Variants in MBD5 observed in about 807,000 individuals in gnomAD.
The protein encoded by MBD5 is methyl-CpG binding domain protein 5.
In MBD5, 13 loss-of-function variants were observed where a neutral mutation model predicts 117.3. The observed-to-expected ratio is 0.11, with a 90% CI of 0.07 to 0.18. MBD5 has a LOEUF of 0.18. Ranked by LOEUF, MBD5 falls within the 10% of genes least tolerant of loss-of-function variation. MBD5 has a pLI of 1.00. For missense variants in MBD5, 1,879 were observed against 2,093.8 expected, an observed-to-expected ratio of 0.90 and a Z score of 2.00; for synonymous variants, 727 against 766.4, an observed-to-expected ratio of 0.95 and a Z score of 0.85.
intron 4 of MBD5, among the ~76,000 whole-genome samples, chr2:148,419,413 T>G (rs1046801322): frequency 1.3e-5 from 2 of 152,206 alleles, no homozygotes; most frequent in African/African-American, 4.8e-5. Context: ...TATTTTACTT[T>G]GGTTTAGTTT....
intron 1 of MBD5, among the ~76,000 whole-genome samples, chr2:148,132,335 T>TATATATATATACACATTTATATATATAC (rs1553475573): frequency 3.6e-4 from 2 of 5,572 alleles, no homozygotes; most frequent in Admixed American, 2.0e-3. Context: ...TATATACATA[T>TATATATATATACACATTTATATATATAC]ATATATATAT....
At chr2:148,457,369 A>G (rs1340547568) in intron 4 of MBD5, among the ~76,000 whole-genome samples, 2 of 152,138 alleles carry the variant, frequency 1.3e-5, no homozygotes, top group African/African-American at 2.4e-5. Context: ...AATTGGTCAT[A>G]AAAAGGCTTC....
intron 4 of MBD5, among the ~76,000 whole-genome samples, chr2:148,390,363 T>TGCC: frequency 6.6e-6 from 1 of 151,960 alleles, no homozygotes; most frequent in South Asian, 2.1e-4. Context: ...AAAGGCCGTA[T>TGCC]TTCTATATGC....
intron 1 of MBD5, among the ~76,000 whole-genome samples, chr2:148,081,216 C>G (rs902644992): frequency 3.3e-5 from 5 of 152,160 alleles, no homozygotes; most frequent in Admixed American, 2.6e-4. Flanking sequence ...CTCCTCCAAA[C>G]TTCTTCATTC....
chr2:148,327,010 G>T (rs1350833453), intron 3 of MBD5, among the ~76,000 whole-genome samples: 1 of 151,434 alleles, frequency 6.6e-6, no homozygotes, highest in Non-Finnish European at 1.5e-5. Context: ...CTTCCTTCAG[G>T]AGCTCTTTTA....
At chr2:148,244,507 G>A (rs1700291956) in intron 3 of MBD5, 1 of 152,110 alleles carries the variant, frequency 6.6e-6, no homozygotes. Flanking sequence ...AATATGTCAT[G>A]AGCTATAAAA....
At chr2:148,280,825 C>T (rs1309187657) in intron 3 of MBD5, among the ~76,000 whole-genome samples, 6 of 152,016 alleles carry the variant, frequency 3.9e-5, no homozygotes, top group Non-Finnish European at 8.8e-5. Context: ...TTTATTTTGG[C>T]CTCTCTACTT....
rs1707170738 is a variant in MBD5, at chr2:148,463,734, T to C, written c.217-5T>C. 2 of 1,613,638 alleles carry C rather than the reference T, an allele frequency of 1.2e-6. No homozygotes were observed. The highest frequency in any genetic ancestry group is 1.7e-6 in the Non-Finnish European group (2 of 1,179,612). ...TATTCTAAACAAAGGCTGTGCTTTT[T>C]CCAGGTATTTAATTTTGATCCTGGA... On this transcript the variant is annotated splice_polypyrimidine_tract_variant and splice_region_variant and intron_variant, in intron 6 of 13. Transcript: ENST00000642680.
At chr2:148,273,985 C>A (rs1701043639) in intron 3 of MBD5, among the ~76,000 whole-genome samples, 1 of 152,002 alleles carries the variant, frequency 6.6e-6, no homozygotes, top group Non-Finnish European at 1.5e-5. Context: ...TTCTGCTATA[C>A]CCATCAAGTT....
intron 2 of MBD5, among the ~76,000 whole-genome samples, chr2:148,198,589 C>A (rs2105941394): frequency 6.6e-6 from 1 of 152,024 alleles, no homozygotes; most frequent in Non-Finnish European, 1.5e-5. Flanking sequence ...TAGATATAAG[C>A]ACTTTGTTTT....
At chr2:148,352,882 G>A (rs1371478709) in intron 4 of MBD5, among the ~76,000 whole-genome samples, 1 of 152,030 alleles carries the variant, frequency 6.6e-6, no homozygotes, top group East Asian at 1.9e-4. Context: ...AAACTAATCA[G>A]ATATTGATCA....
At chr2:148,283,200 C>T (rs1181276288) in intron 3 of MBD5, among the ~76,000 whole-genome samples, 2 of 152,094 alleles carry the variant, frequency 1.3e-5, no homozygotes, top group African/African-American at 4.8e-5. Flanking sequence ...AGTTATGTAG[C>T]TATGATTGCA....
intron 4 of MBD5, among the ~76,000 whole-genome samples, chr2:148,347,872 A>G (rs1703159548): frequency 6.6e-6 from 1 of 151,856 alleles, no homozygotes; most frequent in Non-Finnish European, 1.5e-5. Flanking sequence ...AAAAATGATA[A>G]TGCAGCTCTT....
chr2:148,326,667 T>G (rs2106605892), intron 3 of MBD5, among the ~76,000 whole-genome samples: 1 of 151,852 alleles, frequency 6.6e-6, no homozygotes, highest in African/African-American at 2.4e-5. Context: ...ACCCCTGCCT[T>G]TTTTTGTTTT....
chr2:148,100,963 A>C (rs1462969228), intron 1 of MBD5, among the ~76,000 whole-genome samples: 1 of 151,968 alleles, frequency 6.6e-6, no homozygotes, highest in Non-Finnish European at 1.5e-5. Context: ...CAACTTGCAC[A>C]CTCCTCATTT....
At chr2:148,394,545 G>GTTTTTTTTTTTTTTCTTT (rs1704651890) in intron 4 of MBD5, among the ~76,000 whole-genome samples, 1 of 121,850 alleles carries the variant, frequency 8.2e-6, no homozygotes, top group Admixed American at 8.1e-5. Context: ...CTGTACTTTG[G>GTTTTTTTTTTTTTTCTTT]TTTTTTTTTT....
intron 1 of MBD5, among the ~76,000 whole-genome samples, chr2:148,171,302 A>G (rs1698256295): frequency 6.6e-6 from 1 of 152,252 alleles, no homozygotes; most frequent in African/African-American, 2.4e-5. Context: ...AGTGTTATTT[A>G]TCCCTGGGAT....
In MBD5 at chr2:148,065,135, G is replaced by A. The variant is rs150130072; in HGVS notation, c.-925+43451G>A. Among the ~76,000 whole-genome samples, 934 of 152,168 alleles carry A rather than the reference G, an allele frequency of 6.1e-3. 7 individuals are homozygous for A. The highest frequency in any genetic ancestry group is 0.021 in the African/African-American group (862 of 41,524). On this transcript the variant is annotated intron_variant, in intron 1 of 13. Transcript: ENST00000642680. ...GAAGATTAGGGGTTTGATAGCTGCCGACTTTATCCACAGTCTTAAATATGT... is the reference window on the plus strand; with the variant it reads ...GAAGATTAGGGGTTTGATAGCTGCCAACTTTATCCACAGTCTTAAATATGT...
At chr2:148,204,387 G>C (rs1298221444) in intron 2 of MBD5, among the ~76,000 whole-genome samples, 1 of 151,868 alleles carries the variant, frequency 6.6e-6, no homozygotes, top group African/African-American at 2.4e-5. Flanking sequence ...GACAGAGAAA[G>C]ACACAAAAGA....
Sources: gnomAD v4.1 joint callset for allele counts (sites outside exome capture counted in the v4.1 genomes callset) on GRCh38, gnomAD v4.1.1 for gene constraint, MANE v1.5 for transcripts, NCBI Gene and HGNC (gene_info 2026-07-23, HGNC 2026-07-21) for gene names.